The following POU6F2 variants were observed in gnomAD, a reference collection of about 807,000 sequenced individuals.
POU6F2 encodes the protein POU domain, class 6, transcription factor 2.
In POU6F2, 31 loss-of-function variants were observed where a neutral mutation model predicts 71.3. The ratio of observed to expected loss-of-function variants is 0.43; its 90% CI spans 0.33 to 0.59. The LOEUF is 0.59. Ranked by LOEUF, POU6F2 falls within the 20% of genes least tolerant of loss-of-function variation. POU6F2 has a pLI of 0.04. For synonymous variants in POU6F2, 347 were observed against 355.7 expected, an observed-to-expected ratio of 0.98 and a Z score of 0.27; for missense variants, 783 against 856.8, an observed-to-expected ratio of 0.91 and a Z score of 1.07.
chr7:39,406,672 G>A lies in POU6F2; in HGVS notation c.1045G>A (p.Ala349Thr). 1.2e-6 allele frequency: 2 copies of A among 1,613,678 alleles called. No homozygotes were observed. Among genetic ancestry groups the A allele is most frequent in the Non-Finnish European group, 1.7e-6 (2 of 1,179,824 alleles). ...AAMSSIASSQ[A>T]FGNALSSLQG... ...CATGAGCTCCATAGCAAGCTCACAGGCCTTTGGCAATGCCCTCTCCAGTCT... is the reference window on the plus strand; with the variant it reads ...CATGAGCTCCATAGCAAGCTCACAGACCTTTGGCAATGCCCTCTCCAGTCT... Residue 349 changes from alanine (A) to threonine (T), a missense_variant, in exon 6 of 10, where the codon GCC becomes ACC. Physicochemically the swap from Ala to Thr is moderately conservative, Grantham distance 58. This residue lies in a region of POU6F2 where 572 missense variants were observed against 572.9 expected (regional missense o/e 1.00). Transcript: ENST00000518318.
At chr7:39,393,390 C>G (rs1024019297) in intron 5 of POU6F2, among the ~76,000 whole-genome samples, 3 of 152,164 alleles carry the variant, frequency 2.0e-5, no homozygotes, top group African/African-American at 7.2e-5. Context: ...CTGGAATGTT[C>G]AGCTGCTTTT....
intron 7 of POU6F2, among the ~76,000 whole-genome samples, chr7:39,442,657 CTCTA>C (rs1379396738): frequency 1.3e-5 from 2 of 152,174 alleles, no homozygotes; most frequent in Non-Finnish European, 2.9e-5. Context: ...AGGCAAGGTT[CTCTA>C]TCTTTCATTG....
intron 1 of POU6F2, among the ~76,000 whole-genome samples, chr7:39,073,867 G>A: frequency 6.6e-6 from 1 of 152,136 alleles, no homozygotes. Context: ...GAACAGAAGT[G>A]GACTGGCTTA....
At chr7:39,420,989 C>G (rs1447010566) in intron 6 of POU6F2, among the ~76,000 whole-genome samples, 1 of 152,144 alleles carries the variant, frequency 6.6e-6, no homozygotes, top group Non-Finnish European at 1.5e-5. Flanking sequence ...TGCAAATACT[C>G]TTTTTCTGAG....
intron 4 of POU6F2, among the ~76,000 whole-genome samples, chr7:39,261,754 A>G (rs1784142431): frequency 6.6e-6 from 1 of 152,072 alleles, no homozygotes; most frequent in Non-Finnish European, 1.5e-5. Flanking sequence ...TAGTTCTGTG[A>G]TTTGTTTTCT....
intron 1 of POU6F2, among the ~76,000 whole-genome samples, chr7:39,054,379 G>A (rs948013142): frequency 3.7e-4 from 57 of 152,118 alleles, no homozygotes; most frequent in African/African-American, 1.2e-3. Flanking sequence ...TAGATAAGAC[G>A]AATAAGCCAC....
intron 5 of POU6F2, among the ~76,000 whole-genome samples, chr7:39,393,463 A>G (rs1787113359): frequency 6.6e-6 from 1 of 152,170 alleles, no homozygotes; most frequent in African/African-American, 2.4e-5. Context: ...ATGGATGTGA[A>G]CCCAGGGCTG....
chr7:39,180,474 C>G (rs530035979), intron 2 of POU6F2, among the ~76,000 whole-genome samples: 10 of 152,142 alleles, frequency 6.6e-5, no homozygotes, highest in Non-Finnish European at 8.8e-5. Context: ...AAGAAGCCTC[C>G]CAACACCTGG....
intron 2 of POU6F2, among the ~76,000 whole-genome samples, chr7:39,194,964 A>G (rs1377245392): frequency 6.6e-6 from 1 of 152,140 alleles, no homozygotes. Context: ...ATCTGAAGGA[A>G]CAAACTCCGC....
chr7:39,163,393 G>T (rs1793039168), intron 2 of POU6F2, among the ~76,000 whole-genome samples: 1 of 152,188 alleles, frequency 6.6e-6, no homozygotes, highest in African/African-American at 2.4e-5. Flanking sequence ...GCATTATCAA[G>T]CATTATCTGT....
intron 2 of POU6F2, among the ~76,000 whole-genome samples, chr7:39,169,946 G>T (rs1793186333): frequency 6.6e-6 from 1 of 152,154 alleles, no homozygotes; most frequent in Non-Finnish European, 1.5e-5. Context: ...ACTTTGGGAG[G>T]CCAAGATGGG....
chr7:38,985,525 T>C (rs1219781905), intron 1 of POU6F2, among the ~76,000 whole-genome samples: 1 of 152,140 alleles, frequency 6.6e-6, no homozygotes, highest in East Asian at 1.9e-4. Context: ...CAGCCAGATT[T>C]GACAAGATGC....
At chr7:39,282,618 T>C (rs1784580954) in intron 4 of POU6F2, among the ~76,000 whole-genome samples, 3 of 152,166 alleles carry the variant, frequency 2.0e-5, no homozygotes, top group Non-Finnish European at 2.9e-5. Context: ...TTTTGTGTTA[T>C]CTATTTCATT....
At chr7:39,087,574 A>G (rs1207448574) in intron 2 of POU6F2, among the ~76,000 whole-genome samples, 1 of 152,180 alleles carries the variant, frequency 6.6e-6, no homozygotes, top group Non-Finnish European at 1.5e-5. Context: ...TTAGGAGGGT[A>G]GTGAGAAAAG....
At chr7:39,217,982 TCAAAG>T (rs889594998) in intron 4 of POU6F2, among the ~76,000 whole-genome samples, 1 of 152,108 alleles carries the variant, frequency 6.6e-6, no homozygotes, top group Non-Finnish European at 1.5e-5. Context: ...CACATAAATG[TCAAAG>T]CAAAGCCAAA....
chr7:39,060,929 A>G (rs6462891), intron 1 of POU6F2, among the ~76,000 whole-genome samples: 8,929 of 151,900 alleles, frequency 0.059, 457 homozygotes, highest in African/African-American at 0.13. Flanking sequence ...CAGCCTGGGC[A>G]AAATAGACAC....
chr7:39,342,416 T>C (rs1036257597), intron 5 of POU6F2, among the ~76,000 whole-genome samples: 6 of 152,238 alleles, frequency 3.9e-5, no homozygotes, highest in African/African-American at 1.4e-4. Context: ...AGTGTTTTTG[T>C]TTGAAGATTA....
chr7:39,114,753 A>G (rs1046603219), intron 2 of POU6F2, among the ~76,000 whole-genome samples: 1 of 152,118 alleles, frequency 6.6e-6, no homozygotes, highest in Non-Finnish European at 1.5e-5. Context: ...ATGTTTAATA[A>G]TATTTTTTGT....
At chr7:39,390,187 G>A (rs1383752971) in intron 5 of POU6F2, among the ~76,000 whole-genome samples, 1 of 152,174 alleles carries the variant, frequency 6.6e-6, no homozygotes, top group Non-Finnish European at 1.5e-5. Flanking sequence ...CTTGAAGTCA[G>A]GAGTTCGAGA....
Sources: gnomAD v4.1 joint callset for allele counts (sites outside exome capture counted in the v4.1 genomes callset) on GRCh38, gnomAD v4.1.1 for gene constraint, gnomAD v4.1.1 regional missense constraint, MANE v1.5 for transcripts, NCBI Gene and HGNC (gene_info 2026-07-23, HGNC 2026-07-21) for gene names.